Variants in DNAH5 observed in about 807,000 individuals in gnomAD.
DNAH5 encodes the protein axonemal beta dynein heavy chain 5.
DNAH5 carries 372 observed loss-of-function variants against 518.2 expected under a neutral mutation model. The ratio of observed to expected loss-of-function variants is 0.72; its 90% CI spans 0.66 to 0.78. DNAH5 has a LOEUF of 0.78. Among genes scored for constraint, DNAH5 ranks in the 30% least tolerant of loss-of-function variants. The pLI is 0.00. For missense variants in DNAH5, 5,523 were observed against 5,687.0 expected, an observed-to-expected ratio of 0.97 and a Z score of 0.93; for synonymous variants, 2,039 against 2,025.9, an observed-to-expected ratio of 1.01 and a Z score of -0.17.
chr5:13,987,828 T>C (rs1187791749), intron 1 of DNAH5, among the ~76,000 whole-genome samples: 1 of 148,954 alleles, frequency 6.7e-6, no homozygotes, highest in African/African-American at 2.5e-5. Flanking sequence ...CACTCCAGCC[T>C]GGGCAAGTCT....
intron 46 of DNAH5, among the ~76,000 whole-genome samples, chr5:13,808,317 A>G (rs1439574250): frequency 6.6e-6 from 1 of 151,764 alleles, no homozygotes; most frequent in Non-Finnish European, 1.5e-5. Context: ...TCTACCAGCC[A>G]AGGAGAGGCG....
intron 3 of DNAH5, 55 bp downstream of exon 3, chr5:13,928,039 C>T: frequency 1.4e-6 from 2 of 1,456,398 alleles, no homozygotes; most frequent in South Asian, 2.3e-5. Context: ...TTCAAGCTAC[C>T]CTCAGATAAA....
At chr5:13,748,748 T>G (rs558670311) in intron 65 of DNAH5, among the ~76,000 whole-genome samples, 7 of 152,224 alleles carry the variant, frequency 4.6e-5, no homozygotes, top group Non-Finnish European at 8.8e-5. Context: ...AGACTTTGCT[T>G]AAGTTGCTTA....
At chr5:13,929,862 G>T (rs1442692951) in intron 2 of DNAH5, among the ~76,000 whole-genome samples, 1 of 152,118 alleles carries the variant, frequency 6.6e-6, no homozygotes, top group Non-Finnish European at 1.5e-5. Context: ...TGTCTGAATT[G>T]GGAAGCAGGG....
intron 78 of DNAH5, among the ~76,000 whole-genome samples, chr5:13,699,158 C>T (rs928922413): frequency 3.9e-5 from 6 of 152,162 alleles, no homozygotes; most frequent in Non-Finnish European, 8.8e-5. Flanking sequence ...AGTCTAACTC[C>T]CCATAACTCT....
In DNAH5 at chr5:13,886,113, C is replaced by A. The variant is rs886060008; in HGVS notation, c.2594G>T (p.Gly865Val). ...LQMTKDLCVN[G>V]AQILHFKSSL... ...GCTTTTAAAATGTAGTATTTGTGCA[C>A]CATTTACACAAAGATCCTAACCAAA... The change falls in exon 18 of 79, where the codon GGT (glycine) becomes GTT (valine). Residue 865 changes from glycine to valine, a missense_variant. By Grantham distance (109) the Gly-to-Val change is moderately radical (BLOSUM62 -3). Transcript: ENST00000265104. The A allele has an allele frequency of 8.8e-6, 14 of 1,587,484 alleles. No individual in the cohort carries two copies. Among genetic ancestry groups the A allele is most frequent in the Non-Finnish European group, 1.2e-5 (14 of 1,169,550 alleles).
At chr5:13,876,047 G>GT (rs1375046240) in intron 22 of DNAH5, among the ~76,000 whole-genome samples, 5 of 152,116 alleles carry the variant, frequency 3.3e-5, no homozygotes, top group East Asian at 3.9e-4. Context: ...AATTAGAAGA[G>GT]TTTTTTTAAA....
intron 9 of DNAH5, 99 bp downstream of exon 9, chr5:13,916,249 A>C (rs956541700): frequency 7.5e-6 from 5 of 665,532 alleles, no homozygotes; most frequent in African/African-American, 7.2e-5. Flanking sequence ...TAAGATACAT[A>C]CATATTGAAC....
At chr5:13,891,456 G>A (rs1320319381) in intron 16 of DNAH5, among the ~76,000 whole-genome samples, 1 of 151,968 alleles carries the variant, frequency 6.6e-6, no homozygotes, top group Non-Finnish European at 1.5e-5. Flanking sequence ...TTTATTTCCT[G>A]GGGCCATCGT....
chr5:13,826,727 G>A (rs1282719966), intron 38 of DNAH5, among the ~76,000 whole-genome samples: 2 of 152,196 alleles, frequency 1.3e-5, no homozygotes, highest in Non-Finnish European at 2.9e-5. Flanking sequence ...CAGGAGAACA[G>A]ACTAGTAAAT....
At chr5:13,832,893 A>G (rs575414215) in intron 35 of DNAH5, among the ~76,000 whole-genome samples, 1 of 152,306 alleles carries the variant, frequency 6.6e-6, no homozygotes, top group East Asian at 1.9e-4. Flanking sequence ...AACCAAATCT[A>G]TCACCAGCAT....
chr5:13,875,251 T>C (rs750219932), intron 22 of DNAH5, among the ~76,000 whole-genome samples: 1 of 152,088 alleles, frequency 6.6e-6, no homozygotes, highest in Non-Finnish European at 1.5e-5. Flanking sequence ...GTGGATCACC[T>C]GAGGTCAGGA....
At position 13,727,787 on chromosome 5, in the gene DNAH5, A is replaced by G. The variant is rs559178590; in HGVS notation, c.11884-131T>C. On this transcript the variant is annotated intron_variant, in intron 69 of 78. Transcript: ENST00000265104. ...AATTATATTCCTTGGCTATTTTTTTATTTTATATTATAGAAAGTTTGACAG... is the reference window on the plus strand; with the variant it reads ...AATTATATTCCTTGGCTATTTTTTTGTTTTATATTATAGAAAGTTTGACAG... 5.9e-6 allele frequency: 6 copies of G among 1,019,986 alleles called. No homozygotes were observed. In the African/African-American group the frequency reaches 9.8e-5, roughly 17 times the overall value. The allele number at this position is 1,019,986 out of a possible 1,614,324, so 63.2% of individuals were successfully genotyped here.
intron 1 of DNAH5, among the ~76,000 whole-genome samples, chr5:13,937,267 T>C (rs1779009000): frequency 6.7e-6 from 1 of 148,596 alleles, no homozygotes; most frequent in Non-Finnish European, 1.5e-5. Context: ...TTATCTAGTG[T>C]GCTCTAGCAG....
rs760567496 is a variant in DNAH5, at chr5:13,830,028, T to A, written c.6247A>T (p.Met2083Leu). Residue 2083 changes from methionine (M) to leucine (L), a missense_variant and splice_region_variant, in exon 37 of 79, where the codon ATG (methionine) becomes TTG (leucine). This residue lies in a region of DNAH5 where 5,121 missense variants were observed against 5,223.3 expected (regional missense o/e 0.98). Coordinates refer to ENST00000265104, the MANE Select transcript of DNAH5 (RefSeq NM_001369.3). ...MNPEFGLFLT[M>L]NPGYAGRQEL... The stretch of plus-strand genomic sequence containing the variant: ...TAGCTTTTCTAGCAGCTCCTTACCA[T>A]GGTTAAGAAAAGCCCAAATTCAGGG... 3 of 1,613,426 alleles carry A rather than the reference T, an allele frequency of 1.9e-6. No individual in the cohort carries two copies. The African/African-American group carries it at 4.0e-5, about 22-fold the overall frequency.
chr5:13,799,314 C>T (rs528984403), intron 47 of DNAH5, among the ~76,000 whole-genome samples: 1 of 152,020 alleles, frequency 6.6e-6, no homozygotes, highest in East Asian at 1.9e-4. Context: ...CAGACATTCC[C>T]ATGTCTATTA....
In DNAH5 at chr5:13,707,972, C is replaced by T. The variant is rs1743020044; in HGVS notation, c.13338+151G>A. On this transcript the variant is annotated intron_variant, in intron 76 of 78. Transcript: ENST00000265104. This position sits in a 1 kb window ranked among gnomAD's most constrained non-coding sequence, Gnocchi z 4.0. ...GCTAAAAAAAAACTTCCTTCCCTAC[C>T]TATGGTCTAAAAATACAGGGCTACA... is the stretch of plus-strand genomic sequence containing the variant. 2 of 915,736 alleles carry T rather than the reference C, an allele frequency of 2.2e-6. No homozygotes were observed. The highest frequency in any genetic ancestry group is 1.6e-5 in the African/African-American group (1 of 61,008). 56.7% of individuals were successfully genotyped at this position (915,736 alleles called of 1,614,324 possible).
intron 43 of DNAH5, among the ~76,000 whole-genome samples, chr5:13,812,643 C>T (rs977077674): frequency 6.6e-6 from 1 of 152,082 alleles, no homozygotes; most frequent in Non-Finnish European, 1.5e-5. Context: ...AGATTTACTA[C>T]AATTAGTTGT....
chr5:13,871,543 T>C (rs1411474292), intron 23 of DNAH5, 21 bp downstream of exon 23: 6 of 1,588,552 alleles, frequency 3.8e-6, no homozygotes, highest in Non-Finnish European at 5.2e-6. Context: ...TATATAACTA[T>C]ATGAAAGAAA....
Sources: allele counts gnomAD v4.1 joint callset (sites outside exome capture counted in the v4.1 genomes callset), GRCh38; gene constraint gnomAD v4.1.1; regional missense constraint gnomAD v4.1.1; non-coding constraint Gnocchi (gnomAD v3.1); transcripts MANE v1.5; gene names NCBI Gene and HGNC (gene_info 2026-07-23, HGNC 2026-07-21).